The following MYOF variants were observed in gnomAD, a reference collection of about 807,000 sequenced individuals.
The protein encoded by MYOF is myoferlin.
Under a neutral mutation model 284.2 loss-of-function variants are expected in MYOF, and 244 were observed. That is an observed-to-expected ratio of 0.86 (90% CI 0.77 to 0.95). The LOEUF is 0.95. MYOF is among the 40% of genes least tolerant of loss of function. The probability of loss-of-function intolerance (pLI) is 0.00; values close to 1 mark genes in which losing one functional copy is unlikely to be tolerated. For missense variants in MYOF, 2,496 were observed against 2,560.6 expected (o/e 0.97, Z 0.54); for synonymous variants, 904 against 919.7 (o/e 0.98, Z 0.31).
chr10:93,313,282 C>T (rs577764433), intron 50 of MYOF, 72 bp from the exon 51 acceptor site: 76 of 1,440,178 alleles, frequency 5.3e-5, no homozygotes, highest in Middle Eastern at 3.6e-4. Context: ...GTGAACAGAA[C>T]GTTCTTATCA....
At chr10:93,373,211 C>G (rs1280256256) in intron 23 of MYOF, 126 bp from the exon 24 acceptor site, 11 of 1,121,380 alleles carry the variant, frequency 9.8e-6, no homozygotes, top group South Asian at 2.9e-5. Context: ...GGTTAGGGCT[C>G]TGTCTCAAAT....
chr10:93,454,792 A>G (rs1474147251), intron 2 of MYOF, among the ~76,000 whole-genome samples: 1 of 152,250 alleles, frequency 6.6e-6, no homozygotes, highest in East Asian at 1.9e-4. Context: ...AGCCTGGGCA[A>G]CATAGCAGGA....
chr10:93,378,697 ATATATATATATATATATATG>A (rs1181828193), intron 21 of MYOF, among the ~76,000 whole-genome samples: 1 of 63,936 alleles, frequency 1.6e-5, no homozygotes, highest in Non-Finnish European at 2.8e-5. Context: ...GTGTGTGTAT[ATATATATATATATATATATG>A]TATATATTTA....
intron 19 of MYOF, among the ~76,000 whole-genome samples, chr10:93,382,615 A>G (rs1428549256): frequency 6.6e-6 from 1 of 152,216 alleles, no homozygotes; most frequent in Non-Finnish European, 1.5e-5. Context: ...TGAGCCCTTC[A>G]AGCCTTCCTT....
chr10:93,426,512 A>G (rs890782954), intron 4 of MYOF, among the ~76,000 whole-genome samples: 1 of 152,210 alleles, frequency 6.6e-6, no homozygotes, highest in African/African-American at 2.4e-5. Context: ...ACAGAGGGTC[A>G]CTGTAAATGA....
chr10:93,366,139 C>T (rs950776658), intron 26 of MYOF, among the ~76,000 whole-genome samples: 1 of 152,124 alleles, frequency 6.6e-6, no homozygotes, highest in Non-Finnish European at 1.5e-5. Flanking sequence ...TAAGATGACG[C>T]CAGTGCCCAG....
chr10:93,440,304 C>A (rs982067731), intron 3 of MYOF, among the ~76,000 whole-genome samples: 1 of 151,928 alleles, frequency 6.6e-6, no homozygotes, highest in Non-Finnish European at 1.5e-5. Context: ...CCTAGCTACT[C>A]GGGAGGCTGG....
chr10:93,346,777 G>A (rs757614943), intron 37 of MYOF, among the ~76,000 whole-genome samples: 5 of 152,068 alleles, frequency 3.3e-5, no homozygotes, highest in Non-Finnish European at 7.3e-5. Context: ...ACACTTCCTC[G>A]TTTGCCTTCC....
In MYOF at chr10:93,397,474, CAA is replaced by C. The variant is rs778957607; in HGVS notation, c.1222-20_1222-19del. On this transcript the variant is annotated intron_variant, in intron 13 of 53. Coordinates refer to ENST00000359263, the MANE Select transcript of MYOF (RefSeq NM_013451.4). Reference sequence around the variant, plus strand: ...GTACAAACCTGTAAAATCACCAAAGCAAAAGTGTAGGTTTTCAAGTTTCTAAT... The same window carrying C: ...GTACAAACCTGTAAAATCACCAAAGCAAGTGTAGGTTTTCAAGTTTCTAAT... The C allele has an allele frequency of 4.3e-5, 69 of 1,588,062 alleles. 1 individual carries two copies. The highest frequency in any genetic ancestry group is 5.9e-5 in the Non-Finnish European group (69 of 1,167,680).
intron 3 of MYOF, among the ~76,000 whole-genome samples, chr10:93,440,600 T>C (rs1324811764): frequency 6.6e-6 from 1 of 152,212 alleles, no homozygotes; most frequent in Non-Finnish European, 1.5e-5. Flanking sequence ...ATAAAAGGTA[T>C]GGAGTACCCC....
At chr10:93,411,015 T>C (rs1847878421) in intron 5 of MYOF, among the ~76,000 whole-genome samples, 1 of 152,214 alleles carries the variant, frequency 6.6e-6, no homozygotes, top group South Asian at 2.1e-4. Context: ...TCTTCATTTG[T>C]AAAGAGGGGA....
At chr10:93,408,668 A>G (rs1847746165) in intron 7 of MYOF, 119 bp downstream of exon 7, 1 of 1,353,868 alleles carries the variant, frequency 7.4e-7, no homozygotes, top group Middle Eastern at 2.1e-4. Flanking sequence ...GGTCACACCT[A>G]GTTTTGTTCC....
intron 1 of MYOF, among the ~76,000 whole-genome samples, chr10:93,467,170 T>C (rs1564741270): frequency 6.6e-6 from 1 of 151,864 alleles, no homozygotes; most frequent in African/African-American, 2.4e-5. Context: ...TTTTTTAAAT[T>C]TTATTATTAT....
chr10:93,465,522 T>A (rs1392998142), intron 1 of MYOF, among the ~76,000 whole-genome samples: 1 of 72,758 alleles, frequency 1.4e-5, no homozygotes, highest in African/African-American at 3.7e-5. Context: ...TCTTTTTTCT[T>A]TCTTTTTTTT....
Position 93,310,092 on chromosome 10 carries a change from C to G in MYOF, c.6075G>C (p.Lys2025Asn), listed in dbSNP as rs758273421. ...GGAACAGCAAGCCGATGATGACCCACTTAAAGCGGCGCCACACGATGAACT... is the reference window on the plus strand; with the variant it reads ...GGAACAGCAAGCCGATGATGACCCAGTTAAAGCGGCGCCACACGATGAACT... ...TMKFIVWRRF[K>N]WVIIGLLFLL... Residue 2025 changes from lysine to asparagine, a missense_variant, in exon 53 of 54, where the codon AAG becomes AAC. Lys to Asn is a moderately conservative substitution (Grantham distance 94). This residue lies in a region of MYOF where 2,436 missense variants were observed against 2,480.7 expected (regional missense o/e 0.98). Transcript: ENST00000359263. The G allele has an allele frequency of 6.2e-7, 1 of 1,614,168 alleles. No individual in the cohort carries two copies. The highest frequency in any genetic ancestry group is 8.5e-7 in the Non-Finnish European group (1 of 1,180,034).
intron 4 of MYOF, among the ~76,000 whole-genome samples, chr10:93,429,801 T>A (rs1039085773): frequency 2.0e-5 from 3 of 152,224 alleles, no homozygotes; most frequent in Admixed American, 1.3e-4. Flanking sequence ...AAGTACAGTA[T>A]CTTTATGAGT....
intron 1 of MYOF, among the ~76,000 whole-genome samples, chr10:93,474,905 C>A (rs971867109): frequency 2.6e-5 from 4 of 152,124 alleles, no homozygotes; most frequent in Non-Finnish European, 5.9e-5. Flanking sequence ...CACCACCATG[C>A]CTGGCTAAGT....
chr10:93,452,169 A>AG (rs1564730316), intron 2 of MYOF, 28 bp from the exon 3 acceptor site: 1 of 1,488,702 alleles, frequency 6.7e-7, no homozygotes. Flanking sequence ...TTGAAAAAAG[A>AG]GAAAAAAAAA....
intron 3 of MYOF, among the ~76,000 whole-genome samples, chr10:93,437,901 G>A (rs1401848961): frequency 2.6e-5 from 4 of 152,004 alleles, no homozygotes; most frequent in African/African-American, 2.4e-5. Flanking sequence ...TAGACTGGTA[G>A]GAGACGCCGT....
Sources: gnomAD v4.1 joint callset for allele counts (sites outside exome capture counted in the v4.1 genomes callset) on GRCh38, gnomAD v4.1.1 for gene constraint, gnomAD v4.1.1 regional missense constraint, MANE v1.5 for transcripts, NCBI Gene and HGNC (gene_info 2026-07-23, HGNC 2026-07-21) for gene names.